The following ITGA1 variants were observed in gnomAD, a reference collection of about 807,000 sequenced individuals.
ITGA1 encodes integrin alpha-1.
A neutral mutation model predicts 145.9 loss-of-function variants in ITGA1; 85 were observed. The ratio of observed to expected loss-of-function variants is 0.58; its 90% CI spans 0.49 to 0.70. The LOEUF is 0.70. Among genes scored for constraint, ITGA1 ranks in the 30% least tolerant of loss-of-function variants. The pLI is 0.00. For missense variants in ITGA1, 1,351 were observed against 1,418.7 expected, an observed-to-expected ratio of 0.95 and a Z score of 0.77; for synonymous variants, 520 against 495.3, an observed-to-expected ratio of 1.05 and a Z score of -0.66.
At chr5:52,931,917 AT>A (rs1177931846) in intron 21 of ITGA1, 129 bp from the exon 22 acceptor site, 13 of 560,840 alleles carry the variant, frequency 2.3e-5, no homozygotes, top group Non-Finnish European at 3.4e-5. Flanking sequence ...AATTAAAAAA[AT>A]GATTAAAAAT....
At chr5:52,909,960 G>A (rs3733882) in intron 13 of ITGA1, among the ~76,000 whole-genome samples, 1 of 152,006 alleles carries the variant, frequency 6.6e-6, no homozygotes, top group Non-Finnish European at 1.5e-5. Flanking sequence ...TTCCATTAAA[G>A]TATGTCTCCC....
chr5:52,942,851 T>C (rs1401313455), intron 26 of ITGA1, among the ~76,000 whole-genome samples: 1 of 152,022 alleles, frequency 6.6e-6, no homozygotes, highest in Admixed American at 6.6e-5. Context: ...CTGAGTTGTG[T>C]TGTTTATTTG....
In ITGA1 at chr5:52,932,072, C is replaced by T. The variant is rs1316440749; in HGVS notation, c.2797C>T (p.Leu933Phe). The stretch of plus-strand genomic sequence containing the variant: ...TGACAGCGAAGAACCTCCTGAAACC[C>T]TTTCTGATAATGTAGTAAACATTTC... ...TSDSEEPPET[L>F]SDNVVNISIP... Residue 933 changes from leucine to phenylalanine, a missense_variant, in exon 22 of 29, where the codon CTT becomes TTT. Transcript: ENST00000282588. 1 of 1,609,556 alleles carries T rather than the reference C, an allele frequency of 6.2e-7. No individual in the cohort carries two copies. Among genetic ancestry groups the T allele is most frequent in the Non-Finnish European group, 8.5e-7 (1 of 1,176,244 alleles).
At chr5:52,850,292 A>G (rs1749409835) in intron 2 of ITGA1, among the ~76,000 whole-genome samples, 1 of 152,114 alleles carries the variant, frequency 6.6e-6, no homozygotes, top group Non-Finnish European at 1.5e-5. Flanking sequence ...GAGCCATAGC[A>G]CCTGGCCGTA....
At chr5:52,796,539 T>C (rs1413565907) in intron 1 of ITGA1, among the ~76,000 whole-genome samples, 1 of 152,032 alleles carries the variant, frequency 6.6e-6, no homozygotes, top group Non-Finnish European at 1.5e-5. Context: ...TGAAAATAAA[T>C]ATATAACTAC....
intron 1 of ITGA1, among the ~76,000 whole-genome samples, chr5:52,834,639 C>CAGAAAGAAAG (rs1396032131): frequency 7.7e-6 from 1 of 129,926 alleles, no homozygotes; most frequent in Non-Finnish European, 1.6e-5. Flanking sequence ...GAAAGAAAGA[C>CAGAAAGAAAG]AGAAAGAAAG....
chr5:52,879,674 T>TTTA (rs1415890705), intron 6 of ITGA1, among the ~76,000 whole-genome samples: 1 of 152,168 alleles, frequency 6.6e-6, no homozygotes, highest in Admixed American at 6.5e-5. Flanking sequence ...CTTTATCCAC[T>TTTA]TTATTATTTT....
Position 52,911,576 on chromosome 5 carries a change from A to G in ITGA1, c.1857+1157A>G, listed in dbSNP as rs1328562735. Among the ~76,000 whole-genome samples, 51 of 30,184 alleles carry G rather than the reference A, an allele frequency of 1.7e-3. 1 individual carries two copies. The highest frequency in any genetic ancestry group is 4.3e-3 in the Non-Finnish European group (48 of 11,044). 19.8% of individuals were successfully genotyped at this position (30,184 alleles called of 152,430 possible). On this transcript the variant is annotated intron_variant, in intron 14 of 28. Transcript: ENST00000282588. ...ATATAGTGTATCTACTATATATACT[A>G]TATATATAGTGTATCTACTATATAT... is the stretch of plus-strand genomic sequence containing the variant.
intron 1 of ITGA1, among the ~76,000 whole-genome samples, chr5:52,841,946 A>C (rs1050401183): frequency 6.6e-6 from 1 of 152,154 alleles, no homozygotes; most frequent in Non-Finnish European, 1.5e-5. Context: ...CTTGGGGAAG[A>C]GAGGGGCCTC....
Position 52,928,781 on chromosome 5 carries a change from G to A in ITGA1, c.2695-844G>A, listed in dbSNP as rs762910215. ...AAGTTGACTTTATAGAGAGAAAAGGGCTGAAGAAAGCAGAAACAGAACGAA... is the reference window on the plus strand; with the variant it reads ...AAGTTGACTTTATAGAGAGAAAAGGACTGAAGAAAGCAGAAACAGAACGAA... On this transcript the variant is annotated intron_variant, in intron 20 of 28. Transcript: ENST00000282588. Among the ~76,000 whole-genome samples, 90 of 152,170 alleles carry A rather than the reference G, an allele frequency of 5.9e-4. 2 individuals are homozygous for A. The highest frequency in any genetic ancestry group is 1.8e-3 in the Admixed American group (27 of 15,262).
intron 1 of ITGA1, among the ~76,000 whole-genome samples, chr5:52,832,765 CTGTGTGTGTGTGTGTG>C (rs33977926): frequency 4.6e-5 from 4 of 86,750 alleles, no homozygotes; most frequent in African/African-American, 1.3e-4. Context: ...ATATATAAAT[CTGTGTGTGTGTGTGTG>C]TGTGTGTGTG....
chr5:52,874,885 G>A (rs1749841131), intron 6 of ITGA1, among the ~76,000 whole-genome samples: 1 of 152,164 alleles, frequency 6.6e-6, no homozygotes, highest in Admixed American at 6.5e-5. Context: ...TGACAAGTAA[G>A]TAAGTCTTAC....
intron 11 of ITGA1, chr5:52,903,918 A>G (rs1750354933): frequency 6.6e-6 from 1 of 152,258 alleles, no homozygotes; most frequent in South Asian, 2.1e-4. Context: ...ATGGTTTACT[A>G]TTCACTTGAC....
At chr5:52,811,793 C>A (rs956811556) in intron 1 of ITGA1, among the ~76,000 whole-genome samples, 1 of 152,156 alleles carries the variant, frequency 6.6e-6, no homozygotes, top group African/African-American at 2.4e-5. Flanking sequence ...ATCAACTTTG[C>A]TCACTCTCCC....
chr5:52,909,252 G>A (rs1353269072), intron 13 of ITGA1, among the ~76,000 whole-genome samples: 1 of 152,016 alleles, frequency 6.6e-6, no homozygotes, highest in Admixed American at 6.6e-5. Context: ...GCTTGGAAAT[G>A]TGAATTATGT....
intron 25 of ITGA1, 38 bp from the exon 26 acceptor site, chr5:52,939,802 G>A (rs1224546726): frequency 2.1e-6 from 3 of 1,459,340 alleles, no homozygotes; most frequent in African/African-American, 1.4e-5. Context: ...TGATAAAACG[G>A]CAAGAATACT....
chr5:52,893,933 ACT>A, intron 9 of ITGA1, 93 bp downstream of exon 9: 1 of 875,902 alleles, frequency 1.1e-6, no homozygotes, highest in Non-Finnish European at 1.7e-6. Flanking sequence ...CATCAGTAAT[ACT>A]TTTTTTTTTT....
intron 6 of ITGA1, among the ~76,000 whole-genome samples, chr5:52,868,126 T>G (rs1414726409): frequency 1.3e-5 from 2 of 152,218 alleles, no homozygotes; most frequent in Non-Finnish European, 2.9e-5. Flanking sequence ...CATTTGATCT[T>G]CTTACCTAAC....
chr5:52,817,794 G>A (rs546687439), intron 1 of ITGA1, among the ~76,000 whole-genome samples: 3 of 152,300 alleles, frequency 2.0e-5, no homozygotes, highest in African/African-American at 7.2e-5. Context: ...CTTTGCATAT[G>A]CAAATTATAA....
Sources: gnomAD v4.1 joint callset for allele counts (sites outside exome capture counted in the v4.1 genomes callset) on GRCh38, gnomAD v4.1.1 for gene constraint, MANE v1.5 for transcripts, NCBI Gene and HGNC (gene_info 2026-07-23, HGNC 2026-07-21) for gene names.